The following TRERF1 variants were observed in gnomAD, a reference collection of about 807,000 sequenced individuals.
TRERF1 encodes the protein transcriptional-regulating factor 1.
A neutral mutation model predicts 122.9 loss-of-function variants in TRERF1; 27 were observed. The observed-to-expected ratio is 0.22, with a 90% CI of 0.16 to 0.30. The LOEUF is 0.30. Ranked by LOEUF, TRERF1 falls within the 10% of genes least tolerant of loss-of-function variation. TRERF1 has a pLI of 1.00. For synonymous variants in TRERF1, 636 were observed against 641.7 expected, an observed-to-expected ratio of 0.99 and a Z score of 0.13; for missense variants, 1,248 against 1,560.3, an observed-to-expected ratio of 0.80 and a Z score of 3.37.
intron 8 of TRERF1, among the ~76,000 whole-genome samples, chr6:42,262,601 C>CACAGAGAGAGAGAGAG (rs1778365930): frequency 1.7e-5 from 1 of 59,132 alleles, no homozygotes; most frequent in Non-Finnish European, 3.5e-5. Flanking sequence ...GAGAGAGAGA[C>CACAGAGAGAGAGAGAG]AGACAGACGG....
chr6:42,419,483 C>T (rs964252979), intron 2 of TRERF1, among the ~76,000 whole-genome samples: 1 of 152,104 alleles, frequency 6.6e-6, no homozygotes, highest in Non-Finnish European at 1.5e-5. Flanking sequence ...AACCCTCCTA[C>T]CCATCCCCCA....
intron 3 of TRERF1, 32 bp from the exon 4 acceptor site, chr6:42,300,781 C>T (rs1422308802): frequency 6.6e-6 from 1 of 152,602 alleles, no homozygotes; most frequent in Admixed American, 6.6e-5. Context: ...AAGGTCATTT[C>T]CTCATCATTT....
At chr6:42,303,667 A>G (rs1786616289) in intron 3 of TRERF1, among the ~76,000 whole-genome samples, 2 of 152,146 alleles carry the variant, frequency 1.3e-5, no homozygotes, top group Non-Finnish European at 2.9e-5. Flanking sequence ...TAATCCCAGC[A>G]TTTTGGGAGG....
At chr6:42,303,123 C>T (rs1786509725) in intron 3 of TRERF1, among the ~76,000 whole-genome samples, 1 of 152,202 alleles carries the variant, frequency 6.6e-6, no homozygotes, top group East Asian at 1.9e-4. Flanking sequence ...ATTCATCTAA[C>T]CATCCATTCA....
chr6:42,399,542 G>A (rs1487442733), intron 2 of TRERF1, among the ~76,000 whole-genome samples: 4 of 152,128 alleles, frequency 2.6e-5, no homozygotes, highest in African/African-American at 4.8e-5. Context: ...ACCTTGGAGC[G>A]GCTGCAGCGC....
chr6:42,320,866 C>G (rs796437298), intron 3 of TRERF1, among the ~76,000 whole-genome samples: 4 of 152,118 alleles, frequency 2.6e-5, no homozygotes, highest in African/African-American at 9.6e-5. Flanking sequence ...GTGAGGGCTA[C>G]CCAGGACAGA....
intron 8 of TRERF1, among the ~76,000 whole-genome samples, chr6:42,260,243 C>A (rs1468798738): frequency 6.6e-6 from 1 of 152,004 alleles, no homozygotes; most frequent in Non-Finnish European, 1.5e-5. Flanking sequence ...TCCTGGGTCA[C>A]TTTCAGCAGG....
intron 2 of TRERF1, among the ~76,000 whole-genome samples, chr6:42,413,201 A>G (rs1456973974): frequency 6.6e-6 from 1 of 152,200 alleles, no homozygotes; most frequent in Non-Finnish European, 1.5e-5. Flanking sequence ...GATGAATTTC[A>G]TTGCAATAGT....
chr6:42,332,484 A>G lies in TRERF1; in HGVS notation c.-371+30513T>C, dbSNP rs548663277. ...TGCCAACTCACCTCCCTGGGGTGCA[A>G]GCAACAATGAAAGGGAGAGCAGCCT... is the stretch of plus-strand genomic sequence containing the variant. On this transcript the variant is annotated intron_variant, in intron 3 of 17. Coordinates refer to ENST00000372922, the Ensembl canonical transcript of TRERF1. Among the ~76,000 whole-genome samples the G allele has an allele frequency of 1.8e-3, 276 of 152,342 alleles. 1 individual carries two copies. Among genetic ancestry groups the G allele is most frequent in the African/African-American group, 6.0e-3 (250 of 41,586 alleles).
chr6:42,421,926 G>T (rs898529511), intron 2 of TRERF1, among the ~76,000 whole-genome samples: 4 of 152,030 alleles, frequency 2.6e-5, no homozygotes, highest in Non-Finnish European at 5.9e-5. Flanking sequence ...CCAGCACTTT[G>T]GGAGGCTGAG....
intron 2 of TRERF1, among the ~76,000 whole-genome samples, chr6:42,413,869 A>T (rs1781468507): frequency 6.6e-6 from 1 of 152,230 alleles, no homozygotes; most frequent in Non-Finnish European, 1.5e-5. Flanking sequence ...AAGTGAAAAT[A>T]CAAGTAACAA....
At chr6:42,237,235 C>T (rs1772454549) in intron 15 of TRERF1, among the ~76,000 whole-genome samples, 1 of 152,184 alleles carries the variant, frequency 6.6e-6, no homozygotes, top group Non-Finnish European at 1.5e-5. Context: ...TCCCTGCCCT[C>T]CTCAAGGTTA....
rs1778058976 is a variant in TRERF1, at chr6:42,393,257, ATTCCTGCCTT to A, written c.-453-30188_-453-30179del. Among the ~76,000 whole-genome samples the A allele has an allele frequency of 6.6e-6, 1 of 152,262 alleles. No homozygotes were observed. Among genetic ancestry groups the A allele is most frequent in the Non-Finnish European group, 1.5e-5 (1 of 68,044 alleles). On this transcript the variant is annotated intron_variant, in intron 2 of 17. Coordinates refer to ENST00000372922, the Ensembl canonical transcript of TRERF1. This position sits in a 1 kb window ranked among gnomAD's most constrained non-coding sequence, Gnocchi z 4.1. ...ATCCTCACCACCTGGCCAGAAAGGC[ATTCCTGCCTT>A]CATTTTGCAGATAAATAAACTGGGT...
intron 13 of TRERF1, among the ~76,000 whole-genome samples, chr6:42,248,088 T>C (rs1192903130): frequency 6.6e-6 from 1 of 152,166 alleles, no homozygotes; most frequent in Non-Finnish European, 1.5e-5. Flanking sequence ...TTGGCCAAAA[T>C]AAGTGAATCA....
chr6:42,244,430 T>G (rs1024765982), intron 14 of TRERF1, among the ~76,000 whole-genome samples: 1 of 152,286 alleles, frequency 6.6e-6, no homozygotes, highest in Admixed American at 6.5e-5. Flanking sequence ...GTGATCCGCC[T>G]GCCTTGGCCT....
At chr6:42,391,262 T>C in intron 2 of TRERF1, among the ~76,000 whole-genome samples, 1 of 152,164 alleles carries the variant, frequency 6.6e-6, no homozygotes, top group East Asian at 1.9e-4. Flanking sequence ...GGGTGGAGAG[T>C]GCAACCCTAA....
At chr6:42,242,437 G>C (rs1773918251) in intron 15 of TRERF1, among the ~76,000 whole-genome samples, 1 of 152,178 alleles carries the variant, frequency 6.6e-6, no homozygotes, top group Non-Finnish European at 1.5e-5. Context: ...TACTTTCACT[G>C]ATGGTGACAA....
intron 5 of TRERF1, among the ~76,000 whole-genome samples, chr6:42,267,625 C>A (rs577633030): frequency 2.0e-5 from 3 of 151,992 alleles, no homozygotes; most frequent in African/African-American, 7.3e-5. Context: ...GGGTGAGACT[C>A]CATCTCAAAA....
At chr6:42,301,308 C>A (rs1394177725) in intron 3 of TRERF1, among the ~76,000 whole-genome samples, 1 of 152,216 alleles carries the variant, frequency 6.6e-6, no homozygotes, top group Non-Finnish European at 1.5e-5. Flanking sequence ...TGGCTCACTG[C>A]AACTTCTGCC....
Sources: gnomAD v4.1 joint callset for allele counts (sites outside exome capture counted in the v4.1 genomes callset) on GRCh38, gnomAD v4.1.1 for gene constraint, Gnocchi (gnomAD v3.1) non-coding constraint, MANE v1.5 for transcripts, NCBI Gene and HGNC (gene_info 2026-07-23, HGNC 2026-07-21) for gene names.